Variants in WWOX observed in about 807,000 individuals in gnomAD.
The protein encoded by WWOX is WW domain-containing oxidoreductase.
WWOX carries 69 observed loss-of-function variants against 46.2 expected under a neutral mutation model. The ratio of observed to expected loss-of-function variants is 1.49; its 90% CI spans 1.23 to 1.82. WWOX has a LOEUF of 1.82. Among genes scored for constraint, WWOX ranks in the 40% most tolerant of loss-of-function variants. The probability of loss-of-function intolerance (pLI) is 0.00; values close to 1 mark genes in which losing one functional copy is unlikely to be tolerated. For synonymous variants in WWOX, 359 were observed against 202.6 expected (o/e 1.77, Z -6.56); for missense variants, 919 against 542.6 (o/e 1.69, Z -6.89).
intron 4 of WWOX, among the ~76,000 whole-genome samples, chr16:78,124,603 A>G (rs749387259): frequency 1.2e-4 from 18 of 152,184 alleles, no homozygotes; most frequent in Non-Finnish European, 2.1e-4. Context: ...TAAATTTGTG[A>G]TCTCCCTTTG....
At chr16:78,113,678 C>T (rs1044100398) in intron 3 of WWOX, among the ~76,000 whole-genome samples, 14 of 152,140 alleles carry the variant, frequency 9.2e-5, no homozygotes, top group African/African-American at 1.9e-4. Context: ...ATACTTTGGC[C>T]ATAGCTGATT....
At chr16:78,157,915 C>G (rs962121684) in intron 4 of WWOX, among the ~76,000 whole-genome samples, 1 of 152,196 alleles carries the variant, frequency 6.6e-6, no homozygotes, top group African/African-American at 2.4e-5. Context: ...AAGCAGGCAA[C>G]TAACATTTGT....
intron 8 of WWOX, among the ~76,000 whole-genome samples, chr16:78,439,893 A>G (rs1597088059): frequency 6.6e-6 from 1 of 152,178 alleles, no homozygotes; most frequent in Non-Finnish European, 1.5e-5. Flanking sequence ...GTCTGAAGGC[A>G]CAGATGGGAG....
At chr16:79,037,832 A>T (rs974855093) in intron 8 of WWOX, among the ~76,000 whole-genome samples, 2 of 152,090 alleles carry the variant, frequency 1.3e-5, no homozygotes, top group Non-Finnish European at 2.9e-5. Context: ...GCCAGAGGTC[A>T]GCATTCCATC....
intron 8 of WWOX, among the ~76,000 whole-genome samples, chr16:79,152,539 C>CGT (rs954091338): frequency 6.6e-6 from 1 of 151,956 alleles, no homozygotes; most frequent in African/African-American, 2.4e-5. Flanking sequence ...GGCGTGGTGG[C>CGT]GTGTTCCTGT....
chr16:78,728,108 A>G (rs1350167733), intron 8 of WWOX, among the ~76,000 whole-genome samples: 3 of 119,664 alleles, frequency 2.5e-5, no homozygotes, highest in African/African-American at 9.9e-5. Flanking sequence ...TGTGTCACCC[A>G]AGCTGGAGTG....
intron 8 of WWOX, among the ~76,000 whole-genome samples, chr16:79,154,044 A>G (rs1567585865): frequency 6.6e-6 from 1 of 152,202 alleles, no homozygotes; most frequent in Non-Finnish European, 1.5e-5. Flanking sequence ...AATCCAAAAC[A>G]ACTTTGGCTC....
chr16:79,151,622 A>G (rs909270097), intron 8 of WWOX, among the ~76,000 whole-genome samples: 7 of 152,244 alleles, frequency 4.6e-5, no homozygotes, highest in African/African-American at 7.2e-5. Flanking sequence ...TCTCAGTGAA[A>G]TAACGCAGAA....
intron 8 of WWOX, among the ~76,000 whole-genome samples, chr16:78,968,775 T>C (rs78073198): frequency 0.081 from 12,271 of 152,246 alleles, 632 homozygotes; most frequent in Middle Eastern, 0.21. Flanking sequence ...AGATTAAAGC[T>C]ATTGGAGATA....
intron 8 of WWOX, among the ~76,000 whole-genome samples, chr16:78,905,920 C>A (rs578204648): frequency 6.6e-5 from 10 of 152,178 alleles, no homozygotes; most frequent in African/African-American, 2.4e-4. Flanking sequence ...TTGGCTCCTT[C>A]CCACCTATGT....
intron 8 of WWOX, among the ~76,000 whole-genome samples, chr16:78,567,074 A>G (rs749308534): frequency 9.2e-5 from 14 of 152,294 alleles, no homozygotes; most frequent in Admixed American, 3.3e-4. Flanking sequence ...TGATAGGTGT[A>G]TTCATCATTC....
chr16:78,325,633 C>T (rs115122687), intron 5 of WWOX, among the ~76,000 whole-genome samples: 2,106 of 152,242 alleles, frequency 0.014, 40 homozygotes, highest in African/African-American at 0.047. Flanking sequence ...GAGGTCAACC[C>T]GGCCTTCTCC....
intron 8 of WWOX, among the ~76,000 whole-genome samples, chr16:78,783,857 A>T (rs2050389859): frequency 1.4e-5 from 2 of 145,720 alleles, no homozygotes; most frequent in Admixed American, 7.0e-5. Context: ...TGGTGATATG[A>T]CGCTGATGAT....
chr16:78,904,153 A>C (rs1414903740), intron 8 of WWOX, among the ~76,000 whole-genome samples: 1 of 151,942 alleles, frequency 6.6e-6, no homozygotes, highest in Non-Finnish European at 1.5e-5. Flanking sequence ...GTAAAGTCCA[A>C]CTGTTAGAGT....
rs561254258 is a variant in WWOX, at chr16:78,991,375, C to T, written c.1057-220233C>T. 4.6e-5 allele frequency among the ~76,000 whole-genome samples: 7 copies of T among 152,232 alleles called. No individual in the cohort carries two copies. The East Asian group carries it at 1.4e-3, about 30-fold the overall frequency. The stretch of plus-strand genomic sequence containing the variant: ...TTGGGAGGCTGAGATGGGAGGATCA[C>T]TTGAGCCCAGGAGTTTGAGGCCAGC... On this transcript the variant is annotated intron_variant, in intron 8 of 8. Coordinates refer to ENST00000566780, the MANE Select transcript of WWOX (RefSeq NM_016373.4).
chr16:78,777,468 A>G (rs1029312431), intron 8 of WWOX, among the ~76,000 whole-genome samples: 1 of 152,326 alleles, frequency 6.6e-6, no homozygotes, highest in African/African-American at 2.4e-5. Flanking sequence ...TGGAAAGCAC[A>G]GAGTAGACAT....
chr16:78,242,087 C>T (rs1192950609), intron 5 of WWOX, among the ~76,000 whole-genome samples: 2 of 152,214 alleles, frequency 1.3e-5, no homozygotes, highest in African/African-American at 4.8e-5. Flanking sequence ...CCTTGCCGCC[C>T]TGCAGACTTG....
intron 8 of WWOX, among the ~76,000 whole-genome samples, chr16:78,781,751 G>C (rs555741641): frequency 1.3e-5 from 2 of 152,170 alleles, no homozygotes; most frequent in East Asian, 3.9e-4. Context: ...CTCCAGTCTG[G>C]GCAACAGAGC....
intron 8 of WWOX, among the ~76,000 whole-genome samples, chr16:78,815,000 A>G (rs1470506571): frequency 6.6e-6 from 1 of 152,156 alleles, no homozygotes; most frequent in Non-Finnish European, 1.5e-5. Flanking sequence ...TGCTCCCTGC[A>G]GGGTGTCACT....
Sources: allele counts gnomAD v4.1 joint callset (sites outside exome capture counted in the v4.1 genomes callset), GRCh38; gene constraint gnomAD v4.1.1; transcripts MANE v1.5; gene names NCBI Gene and HGNC (gene_info 2026-07-23, HGNC 2026-07-21).